The following TAF1B variants were observed in gnomAD, a reference collection of about 807,000 sequenced individuals.
The protein encoded by TAF1B is TATA box-binding protein-associated factor RNA polymerase I subunit B.
A neutral mutation model predicts 83.9 loss-of-function variants in TAF1B; 61 were observed. That is an observed-to-expected ratio of 0.73 (90% confidence interval 0.59 to 0.90). TAF1B has a LOEUF of 0.90. Among genes scored for constraint, TAF1B ranks in the 40% least tolerant of loss-of-function variants. The probability of loss-of-function intolerance (pLI) is 0.00; values close to 1 mark genes in which losing one functional copy is unlikely to be tolerated. For synonymous variants in TAF1B, 221 were observed against 224.6 expected (o/e 0.98, Z 0.14); for missense variants, 625 against 677.0 (o/e 0.92, Z 0.85).
Position 9,893,468 on chromosome 2 carries a change from A to C in TAF1B, c.807+10663A>C, listed in dbSNP as rs181342254. Among the ~76,000 whole-genome samples the C allele has an allele frequency of 2.6e-5, 4 of 152,360 alleles. No homozygotes were observed. The East Asian group carries it at 7.7e-4, about 29-fold the overall frequency. On this transcript the variant is annotated intron_variant, in intron 8 of 14. Transcript: ENST00000263663. ...AATGGTACAGTAAACCACTATGAAA[A>C]TTCATGAACTGCAGCTGCAAGCAAC... is the stretch of plus-strand genomic sequence containing the variant.
rs115193290 is a variant in TAF1B at position 9,901,332 on chromosome 2, T to C, written c.808-3527T>C. Among the ~76,000 whole-genome samples, 1,016 of 151,926 alleles carry C rather than the reference T, an allele frequency of 6.7e-3. 17 individuals are homozygous for C. The highest frequency in any genetic ancestry group is 0.023 in the African/African-American group (936 of 41,542). ...CTAGCAGAATCTGGAATCTAATCTA[T>C]AGGATAGATAGGTAGATATGCACAC... On this transcript the variant is annotated intron_variant, in intron 8 of 14. Coordinates refer to ENST00000263663, the MANE Select transcript of TAF1B (RefSeq NM_005680.3).
chr2:9,911,690 A>G, intron 11 of TAF1B, 133 bp downstream of exon 11: 2 of 524,056 alleles, frequency 3.8e-6, no homozygotes, highest in Middle Eastern at 4.7e-4. Context: ...TGTATATTGT[A>G]CCAGTATTGT....
At chr2:9,911,014 T>A in intron 10 of TAF1B, 101 bp downstream of exon 10, 1 of 1,155,906 alleles carries the variant, frequency 8.7e-7, no homozygotes, top group Non-Finnish European at 1.2e-6. Flanking sequence ...AAAAAAGAGC[T>A]AAAGAAAAAA....
chr2:9,905,872 T>A (rs4669489), intron 9 of TAF1B, among the ~76,000 whole-genome samples: 78,133 of 151,978 alleles, frequency 0.51, 23,091 homozygotes, highest in Non-Finnish European at 0.68. Flanking sequence ...AAATATTTTT[T>A]AAAACAGGAA....
chr2:9,888,634 T>G (rs1664750269), intron 8 of TAF1B, among the ~76,000 whole-genome samples: 2 of 152,020 alleles, frequency 1.3e-5, no homozygotes. Flanking sequence ...GCCTAATTTC[T>G]GATGTCAATC....
At chr2:9,853,529 C>G (rs776224775) in intron 4 of TAF1B, among the ~76,000 whole-genome samples, 23 of 151,820 alleles carry the variant, frequency 1.5e-4, no homozygotes, top group Non-Finnish European at 2.5e-4. Flanking sequence ...GTGCAGTGAC[C>G]TGATCATGGC....
chr2:9,927,266 A>G, intron 14 of TAF1B, among the ~76,000 whole-genome samples: 1 of 152,128 alleles, frequency 6.6e-6, no homozygotes, highest in Non-Finnish European at 1.5e-5. Flanking sequence ...AATCCAGTCT[A>G]TCATTGAAGG....
At chr2:9,852,030 C>T in intron 4 of TAF1B, 1 of 473,094 alleles carries the variant, frequency 2.1e-6, no homozygotes, top group South Asian at 1.5e-5. Context: ...TACATAACGT[C>T]CATCAGGACT....
intron 8 of TAF1B, among the ~76,000 whole-genome samples, chr2:9,897,118 C>T (rs973158352): frequency 1.3e-5 from 2 of 152,170 alleles, no homozygotes; most frequent in South Asian, 2.1e-4. Context: ...TTTCAGTTTA[C>T]CTGGTAGAAT....
At chr2:9,850,665 T>G (rs1663355652) in intron 3 of TAF1B, among the ~76,000 whole-genome samples, 2 of 152,186 alleles carry the variant, frequency 1.3e-5, no homozygotes, top group Admixed American at 1.3e-4. Context: ...AAGCTCTGTG[T>G]AAAAAGTACT....
At chr2:9,879,604 C>T (rs565669487) in intron 7 of TAF1B, among the ~76,000 whole-genome samples, 2 of 152,242 alleles carry the variant, frequency 1.3e-5, no homozygotes, top group South Asian at 4.1e-4. Flanking sequence ...AAGGAGGTTG[C>T]TAGTGCCAAG....
At chr2:9,882,241 C>T (rs1664527743) in intron 7 of TAF1B, among the ~76,000 whole-genome samples, 1 of 152,090 alleles carries the variant, frequency 6.6e-6, no homozygotes, top group South Asian at 2.1e-4. Context: ...ACTGGGACTA[C>T]AGGCCAAGCC....
chr2:9,846,284 A>G (rs768054373), intron 2 of TAF1B: 10 of 364,454 alleles, frequency 2.7e-5, no homozygotes, highest in Non-Finnish European at 4.9e-5. Context: ...AAACGAGGCT[A>G]CCTTCACATT....
chr2:9,904,786 A>G, intron 8 of TAF1B, 73 bp from the exon 9 acceptor site: 1 of 1,440,110 alleles, frequency 6.9e-7, no homozygotes, highest in Admixed American at 2.1e-5. Context: ...TAGCCATTCT[A>G]AATCAGAACA....
intron 5 of TAF1B, among the ~76,000 whole-genome samples, chr2:9,866,968 G>T (rs1664000153): frequency 6.6e-6 from 1 of 152,100 alleles, no homozygotes; most frequent in Non-Finnish European, 1.5e-5. Flanking sequence ...GATAGCATTA[G>T]GAGATATACC....
intron 7 of TAF1B, among the ~76,000 whole-genome samples, chr2:9,880,115 C>G (rs1664452751): frequency 6.6e-6 from 1 of 152,158 alleles, no homozygotes; most frequent in Non-Finnish European, 1.5e-5. Flanking sequence ...GTAATGGTGA[C>G]TGGGTTCAGG....
At chr2:9,883,223 T>C (rs776598593) in intron 8 of TAF1B, among the ~76,000 whole-genome samples, 5 of 152,356 alleles carry the variant, frequency 3.3e-5, no homozygotes, top group South Asian at 4.1e-4. Flanking sequence ...TCTTCACTTA[T>C]GTTAGTTTGT....
chr2:9,871,816 C>A (rs1249607927), intron 6 of TAF1B, among the ~76,000 whole-genome samples: 2 of 152,020 alleles, frequency 1.3e-5, no homozygotes, highest in Non-Finnish European at 2.9e-5. Context: ...TGTCACTGTT[C>A]TGGAAACTGG....
intron 14 of TAF1B, among the ~76,000 whole-genome samples, chr2:9,923,932 G>A (rs1665958913): frequency 6.6e-6 from 1 of 152,210 alleles, no homozygotes; most frequent in African/African-American, 2.4e-5. Context: ...TTGGTCCTGA[G>A]CAGCTTATGT....
Sources: allele counts gnomAD v4.1 joint callset (sites outside exome capture counted in the v4.1 genomes callset), GRCh38; gene constraint gnomAD v4.1.1; transcripts MANE v1.5; gene names NCBI Gene and HGNC (gene_info 2026-07-23, HGNC 2026-07-21).